Variants in PMF1 observed in about 807,000 individuals in gnomAD.
PMF1 encodes the protein polyamine modulated factor 1, also known as polyamine-modulated factor 1.
In PMF1, 21 loss-of-function variants were observed where a neutral mutation model predicts 26.7. The observed-to-expected ratio is 0.79, with a 90% confidence interval of 0.56 to 1.13. The LOEUF is 1.13. PMF1 is among the 50% of genes most tolerant of loss of function. The probability of loss-of-function intolerance (pLI) is 0.00; values close to 1 mark genes in which losing one functional copy is unlikely to be tolerated. For synonymous variants in PMF1, 105 were observed against 101.0 expected (o/e 1.04, Z -0.24); for missense variants, 266 against 254.9 (o/e 1.04, Z -0.30).
intron 1 of PMF1, among the ~76,000 whole-genome samples, chr1:156,216,843 C>CCG (rs1558188659): frequency 3.3e-5 from 5 of 151,818 alleles, no homozygotes; most frequent in African/African-American, 9.7e-5. Flanking sequence ...CCGGCCGGCC[C>CCG]GCCTCCGCTC....
Position 156,239,576 on chromosome 1 carries a change from T to C in PMF1, c.593T>C (p.Val198Ala). Residue 198 changes from valine to alanine, a missense_variant, in exon 5 of 5, where the codon GTT (valine) becomes GCT (alanine). Coordinates refer to ENST00000368277, the MANE Select transcript of PMF1 (RefSeq NM_007221.4). ...QALHREQREL[V>A]AVLREPE The stretch of plus-strand genomic sequence containing the variant: ...CTACACAGAGAACAGAGGGAGCTGG[T>C]TGCTGTGCTGAGGGAGCCTGAGTGA... The C allele has an allele frequency of 6.2e-7, 1 of 1,613,068 alleles. No individual in the cohort carries two copies. The highest frequency in any genetic ancestry group is 1.1e-5 in the South Asian group (1 of 90,970).
Position 156,239,613 on chromosome 1 carries a change from G to A in PMF1, c.*12G>A. ...GGGAGCCTGAGTGAGGAGACCGCCA[G>A]CCCCAGAAGCAGAGGGCAGTCAAGG... is the stretch of plus-strand genomic sequence containing the variant. On this transcript the variant is annotated 3_prime_UTR_variant, in exon 5 of 5. Coordinates refer to ENST00000368277, the MANE Select transcript of PMF1 (RefSeq NM_007221.4). 2 of 1,610,836 alleles carry A rather than the reference G, an allele frequency of 1.2e-6. No homozygotes were observed. Among genetic ancestry groups the A allele is most frequent in the Non-Finnish European group, 1.7e-6 (2 of 1,178,670 alleles).
Position 156,213,012 on chromosome 1 carries a change from C to A in PMF1, c.-4C>A. 6.2e-7 allele frequency: 1 copy of A among 1,614,178 alleles called. No individual in the cohort carries two copies. Among genetic ancestry groups the A allele is most frequent in the Non-Finnish European group, 8.5e-7 (1 of 1,179,994 alleles). ...CCAGTTAGATTTGGAGGTTCAACTT[C>A]AACATGGCCGAAGCAAGTAGCGCCA... On this transcript the variant is annotated 5_prime_UTR_variant, in exon 1 of 5. Transcript: ENST00000368277.
At chr1:156,219,467 A>G (rs1219101134) in intron 1 of PMF1, among the ~76,000 whole-genome samples, 13 of 152,078 alleles carry the variant, frequency 8.5e-5, no homozygotes, top group Admixed American at 8.5e-4. Context: ...CTAGCCCACT[A>G]TGTCCCTGAG....
intron 1 of PMF1, chr1:156,223,800 C>T (rs1312636610): frequency 1.3e-5 from 2 of 152,296 alleles, no homozygotes; most frequent in African/African-American, 4.8e-5. Context: ...AGGGAGCCTT[C>T]CCCGAGCCCC....
At chr1:156,216,855 C>CA (rs1657776628) in intron 1 of PMF1, among the ~76,000 whole-genome samples, 1 of 151,980 alleles carries the variant, frequency 6.6e-6, no homozygotes, top group Non-Finnish European at 1.5e-5. Context: ...CCTCCGCTCC[C>CA]GGGGGGCTCT....
intron 1 of PMF1, among the ~76,000 whole-genome samples, chr1:156,217,263 TAGAG>T (rs910021394): frequency 6.9e-5 from 10 of 144,098 alleles, no homozygotes; most frequent in African/African-American, 2.6e-4. Context: ...AAAAAAGGAA[TAGAG>T]AGCAATGGGG....
At chr1:156,231,759 T>C (rs1658723334) in intron 1 of PMF1, among the ~76,000 whole-genome samples, 1 of 152,178 alleles carries the variant, frequency 6.6e-6, no homozygotes, top group African/African-American at 2.4e-5. Context: ...TTACCTCATG[T>C]AACAAGAAGC....
At chr1:156,235,728 A>AC (rs1163903950) in intron 3 of PMF1, among the ~76,000 whole-genome samples, 1 of 152,200 alleles carries the variant, frequency 6.6e-6, no homozygotes, top group Non-Finnish European at 1.5e-5. Context: ...GGCGTGAGCC[A>AC]CCACACCTGG....
intron 4 of PMF1, among the ~76,000 whole-genome samples, chr1:156,238,602 A>T (rs1290782642): frequency 6.6e-6 from 1 of 152,188 alleles, no homozygotes; most frequent in East Asian, 1.9e-4. Context: ...ACTTATAGCC[A>T]CTTGACAGCC....
intron 1 of PMF1, among the ~76,000 whole-genome samples, chr1:156,219,479 C>G (rs1034108946): frequency 2.6e-5 from 4 of 152,174 alleles, no homozygotes; most frequent in Non-Finnish European, 5.9e-5. Context: ...GTCCCTGAGT[C>G]TCTCTCCTGC....
chr1:156,236,674 C>T lies in PMF1; in HGVS notation c.564+191C>T, dbSNP rs375539981. ...GCCTCTGCCAGCCTCAGCAGACAGTCTCCCCCAGATCCTCCACCAGGCACA... is the reference window on the plus strand; with the variant it reads ...GCCTCTGCCAGCCTCAGCAGACAGTTTCCCCCAGATCCTCCACCAGGCACA... On this transcript the variant is annotated intron_variant, in intron 4 of 4. Coordinates refer to ENST00000368277, the MANE Select transcript of PMF1 (RefSeq NM_007221.4). 1.6e-4 allele frequency: 119 copies of T among 730,436 alleles called. No homozygotes were observed. The African/African-American group carries it at 1.8e-3, about 11-fold the overall frequency. 45.2% of individuals were successfully genotyped at this position (730,436 alleles called of 1,614,324 possible). A position where few individuals can be genotyped will look rare whatever the true frequency, so the allele number is the denominator to read the frequency against.
chr1:156,238,077 C>G (rs1343114549), intron 4 of PMF1, among the ~76,000 whole-genome samples: 1 of 152,212 alleles, frequency 6.6e-6, no homozygotes, highest in African/African-American at 2.4e-5. Flanking sequence ...TGCCGACAAT[C>G]AGTTGGCCAT....
At chr1:156,237,443 T>G (rs1416247853) in intron 4 of PMF1, among the ~76,000 whole-genome samples, 2 of 130,216 alleles carry the variant, frequency 1.5e-5, no homozygotes, top group Non-Finnish European at 3.3e-5. Flanking sequence ...TGTTATTTTT[T>G]GTCTTTTTTT....
At position 156,232,370 on chromosome 1, in the gene PMF1, C is replaced by T. The variant is rs756196951; in HGVS notation, c.212C>T (p.Ala71Val). 7.4e-6 allele frequency: 12 copies of T among 1,613,980 alleles called. No homozygotes were observed. In the East Asian group the frequency reaches 1.1e-4, roughly 15 times the overall value. Reference protein sequence around the residue: ...CYKCFYQLQPAMTQQIYDKFI... With the variant: ...CYKCFYQLQPVMTQQIYDKFI... ...AAGTGCTTCTACCAGTTGCAGCCTG[C>T]GATGACACAGCAAATCTATGACAAG... Residue 71 changes from alanine (A) to valine (V), a missense_variant, in exon 2 of 5, where the codon GCG becomes GTG. Physicochemically the swap from Ala to Val is moderately conservative, Grantham distance 64 (BLOSUM62 0). Transcript: ENST00000368277.
chr1:156,232,246 G>A (rs950857561), intron 1 of PMF1, 74 bp from the exon 2 acceptor site: 16 of 1,344,454 alleles, frequency 1.2e-5, no homozygotes, highest in Middle Eastern at 2.0e-4. Flanking sequence ...AATGCGAAGC[G>A]GAGGTACCCA....
intron 1 of PMF1, among the ~76,000 whole-genome samples, chr1:156,219,261 A>G (rs944675019): frequency 6.6e-6 from 1 of 152,154 alleles, no homozygotes; most frequent in Non-Finnish European, 1.5e-5. Flanking sequence ...GCCCACATCT[A>G]GGTCACAAAG....
intron 2 of PMF1, 133 bp from the exon 3 acceptor site, chr1:156,233,495 G>T: frequency 2.4e-6 from 2 of 822,084 alleles, no homozygotes; most frequent in South Asian, 1.8e-5. Flanking sequence ...TAGAAAAGTT[G>T]GAATGTCAGG....
chr1:156,230,078 A>C (rs1658609965), intron 1 of PMF1, among the ~76,000 whole-genome samples: 1 of 152,202 alleles, frequency 6.6e-6, no homozygotes, highest in Non-Finnish European at 1.5e-5. Context: ...GGAGGCTTAA[A>C]GAGCCATGAG....
Sources: allele counts gnomAD v4.1 joint callset (sites outside exome capture counted in the v4.1 genomes callset), GRCh38; gene constraint gnomAD v4.1.1; transcripts MANE v1.5; gene names NCBI Gene and HGNC (gene_info 2026-07-23, HGNC 2026-07-21).